TM4SF19: variants seen among roughly 807,000 people sequenced by gnomAD.
The protein encoded by TM4SF19 is transmembrane 4 L six family member 19.
A neutral mutation model predicts 21.8 loss-of-function variants in TM4SF19; 17 were observed. The observed-to-expected ratio is 0.78, with a 90% confidence interval of 0.53 to 1.17. TM4SF19 has a LOEUF of 1.17. Among genes scored for constraint, TM4SF19 ranks in the 50% most tolerant of loss-of-function variants. The probability of loss-of-function intolerance (pLI) is 0.00; values close to 1 mark genes in which losing one functional copy is unlikely to be tolerated. For synonymous variants in TM4SF19, 107 were observed against 106.7 expected (o/e 1.00, Z -0.02); for missense variants, 216 against 252.1 (o/e 0.86, Z 0.97).
Position 196,323,890 on chromosome 3 carries a change from A to G in TM4SF19, c.557T>C (p.Leu186Pro). 1 of 1,614,204 alleles carries G rather than the reference A, an allele frequency of 6.2e-7. No homozygotes were observed. Among genetic ancestry groups the G allele is most frequent in the Non-Finnish European group, 8.5e-7 (1 of 1,180,044 alleles). ...LFSALLCISLLQLLLVVVHVI... is the reference protein window; with the variant it reads ...LFSALLCISLPQLLLVVVHVI... Reference sequence around the variant, plus strand: ...ATGAACGACCACCAGGAGAAGCTGGAGCAGGCTGATGCACAGAAGGGCGGA... The same window carrying G: ...ATGAACGACCACCAGGAGAAGCTGGGGCAGGCTGATGCACAGAAGGGCGGA... The change falls in exon 5 of 5, where the codon CTC (leucine) becomes CCC (proline). Residue 186 changes from leucine (L) to proline (P), a missense_variant. Physicochemically the swap from Leu to Pro is moderately conservative, Grantham distance 98. Coordinates refer to ENST00000273695, the MANE Select transcript of TM4SF19 (RefSeq NM_138461.4).
At chr3:196,328,129 G>T (rs370949107) in intron 1 of TM4SF19, among the ~76,000 whole-genome samples, 1 of 151,954 alleles carries the variant, frequency 6.6e-6, no homozygotes, top group Non-Finnish European at 1.5e-5. Flanking sequence ...GTGAAACCCC[G>T]TCTCTACTAA....
At chr3:196,336,214 C>T (rs1321915931) in intron 1 of TM4SF19, among the ~76,000 whole-genome samples, 1 of 152,104 alleles carries the variant, frequency 6.6e-6, no homozygotes, top group South Asian at 2.1e-4. Flanking sequence ...CCTCAGCTCA[C>T]TGCTACCTCC....
Position 196,323,672 on chromosome 3 carries a change from G to C in TM4SF19, c.*145C>G. 1 of 1,482,626 alleles carries C rather than the reference G, an allele frequency of 6.7e-7. No individual in the cohort carries two copies. Among genetic ancestry groups the C allele is most frequent in the South Asian group, 1.2e-5 (1 of 80,346 alleles). 91.8% of individuals were successfully genotyped at this position (1,482,626 alleles called of 1,614,324 possible). ...TTAAAATGCATTCTATCATTCCACC[G>C]ACCTGCAGTGAATTTTGTTGTCATT... On this transcript the variant is annotated 3_prime_UTR_variant, in exon 5 of 5. Coordinates refer to ENST00000273695, the MANE Select transcript of TM4SF19 (RefSeq NM_138461.4).
chr3:196,332,506 AAT>A (rs564720419), intron 1 of TM4SF19, among the ~76,000 whole-genome samples: 8 of 149,846 alleles, frequency 5.3e-5, no homozygotes, highest in African/African-American at 1.5e-4. Context: ...GAAGAAAAAA[AAT>A]ATATATATAT....
chr3:196,327,428 C>G lies in TM4SF19; in HGVS notation c.163G>C (p.Ala55Pro), dbSNP rs1300252094. 1 of 1,614,196 alleles carries G rather than the reference C, an allele frequency of 6.2e-7. No homozygotes were observed. The highest frequency in any genetic ancestry group is 8.5e-7 in the Non-Finnish European group (1 of 1,180,034). Residue 55 changes from alanine (A) to proline (P), a missense_variant, in exon 2 of 5, where the codon GCC becomes CCC. Coordinates refer to ENST00000273695, the MANE Select transcript of TM4SF19 (RefSeq NM_138461.4). ...CCCCAGAGCCCAGTTCCCAGCATGG[C>G]ATGCCTGCCAAGGAGGCCCCTCAAC... ...YLLRGLLGRH[A>P]MLGTGLWGGG...
chr3:196,329,912 G>C lies in TM4SF19; in HGVS notation c.-1-2321C>G, dbSNP rs1281281683. Among the ~76,000 whole-genome samples, 44 of 89,798 alleles carry C rather than the reference G, an allele frequency of 4.9e-4. 7 individuals are homozygous for C. Among genetic ancestry groups the C allele is most frequent in the Admixed American group, 2.9e-4 (2 of 7,016 alleles). The allele number at this position is 89,798 out of a possible 152,430, so 58.9% of individuals were successfully genotyped here. A position where few individuals can be genotyped will look rare whatever the true frequency, so the allele number is the denominator to read the frequency against. On this transcript the variant is annotated intron_variant, in intron 1 of 4. Coordinates refer to ENST00000273695, the MANE Select transcript of TM4SF19 (RefSeq NM_138461.4). ...TTTGAGACAGAGTCTTGCTCTGTCA[G>C]CCAGGCTGGAGTGCAGTGGCGCAAT... is the stretch of plus-strand genomic sequence containing the variant.
chr3:196,324,709 C>A, intron 3 of TM4SF19: 1 of 436,022 alleles, frequency 2.3e-6, no homozygotes, highest in South Asian at 3.3e-5. Context: ...TCGCAGGCCC[C>A]GGATCTCCCT....
rs1294885716 is a variant in TM4SF19, at chr3:196,329,238, G to A, written c.-1-1647C>T. On this transcript the variant is annotated intron_variant, in intron 1 of 4. Transcript: ENST00000273695. The stretch of plus-strand genomic sequence containing the variant: ...ATTACAGGCATGAGCCACCGCGCCC[G>A]GCCAATAAATGATTTTTTAAGAAGA... Among the ~76,000 whole-genome samples the A allele has an allele frequency of 2.4e-5, 3 of 126,876 alleles. 1 individual carries two copies. Among genetic ancestry groups the A allele is most frequent in the South Asian group, 2.6e-4 (1 of 3,808 alleles). The allele number at this position is 126,876 out of a possible 152,430, so 83.2% of individuals were successfully genotyped here.
intron 1 of TM4SF19, among the ~76,000 whole-genome samples, chr3:196,332,552 G>GCA (rs1339649490): frequency 6.6e-6 from 1 of 151,228 alleles, no homozygotes; most frequent in African/African-American, 2.4e-5. Context: ...CTATATATAT[G>GCA]CACACACACA....
chr3:196,326,723 G>A (rs950667885), intron 3 of TM4SF19, among the ~76,000 whole-genome samples: 3 of 152,086 alleles, frequency 2.0e-5, no homozygotes, highest in Admixed American at 1.3e-4. Context: ...TGGTACAGAC[G>A]TCTGGGCTTC....
At position 196,329,276 on chromosome 3, in the gene TM4SF19, G is replaced by A. The variant is rs567801470; in HGVS notation, c.-1-1685C>T. Among the ~76,000 whole-genome samples the A allele has an allele frequency of 7.1e-5, 9 of 126,500 alleles. 1 individual carries two copies. Among genetic ancestry groups the A allele is most frequent in the African/African-American group, 2.4e-4 (9 of 37,822 alleles). 83.0% of individuals were successfully genotyped at this position (126,500 alleles called of 152,430 possible). A position where few individuals can be genotyped will look rare whatever the true frequency, so the allele number is the denominator to read the frequency against. ...TTTTTTAAGAAGATGACAATTCAGC[G>A]GGAAAAAGTCTCTTCCACAAATGGT... On this transcript the variant is annotated intron_variant, in intron 1 of 4. Transcript: ENST00000273695.
At chr3:196,332,544 A>C (rs1358779393) in intron 1 of TM4SF19, among the ~76,000 whole-genome samples, 5 of 151,734 alleles carry the variant, frequency 3.3e-5, no homozygotes, top group Non-Finnish European at 7.4e-5. Context: ...CAGAGGCTCT[A>C]TATATATGCA....
intron 1 of TM4SF19, among the ~76,000 whole-genome samples, chr3:196,330,752 C>T (rs1229994281): frequency 6.6e-6 from 1 of 152,122 alleles, no homozygotes; most frequent in Non-Finnish European, 1.5e-5. Context: ...GGGGTGGAAG[C>T]ATTCTGTGTC....
At position 196,323,774 on chromosome 3, in the gene TM4SF19, C is replaced by G; in HGVS notation, c.*43G>C. The G allele has an allele frequency of 6.2e-7, 1 of 1,613,996 alleles. No homozygotes were observed. On this transcript the variant is annotated 3_prime_UTR_variant, in exon 5 of 5. Transcript: ENST00000273695. ...CCTTGTAGAAAGGATTCAAGACAGC[C>G]GATGATGAAAACACCCATGCTTGCA...
At chr3:196,332,974 C>T (rs1032041190) in intron 1 of TM4SF19, among the ~76,000 whole-genome samples, 4 of 151,298 alleles carry the variant, frequency 2.6e-5, no homozygotes, top group Admixed American at 1.3e-4. Flanking sequence ...CTCAGTCTCT[C>T]GGATAGCTGA....
At chr3:196,334,349 T>C (rs1445790608) in intron 1 of TM4SF19, among the ~76,000 whole-genome samples, 1 of 152,090 alleles carries the variant, frequency 6.6e-6, no homozygotes, top group African/African-American at 2.4e-5. Flanking sequence ...GTGTTTTCCA[T>C]TTTTCAAGAC....
At chr3:196,330,744 G>T (rs1727475452) in intron 1 of TM4SF19, among the ~76,000 whole-genome samples, 1 of 152,122 alleles carries the variant, frequency 6.6e-6, no homozygotes, top group African/African-American at 2.4e-5. Context: ...TTTCTGAAGG[G>T]GTGGAAGCAT....
chr3:196,330,378 A>T (rs543003464), intron 1 of TM4SF19, among the ~76,000 whole-genome samples: 41 of 152,358 alleles, frequency 2.7e-4, no homozygotes, highest in African/African-American at 8.9e-4. Flanking sequence ...ACTGAATTAT[A>T]CACTTTAAAA....
chr3:196,337,701 T>C (rs1395721112), intron 1 of TM4SF19, among the ~76,000 whole-genome samples: 1 of 151,792 alleles, frequency 6.6e-6, no homozygotes, highest in Non-Finnish European at 1.5e-5. Context: ...AAGTCAAGGG[T>C]CTAACAGCAC....
Sources: allele counts gnomAD v4.1 joint callset (sites outside exome capture counted in the v4.1 genomes callset), GRCh38; gene constraint gnomAD v4.1.1; transcripts MANE v1.5; gene names NCBI Gene and HGNC (gene_info 2026-07-23, HGNC 2026-07-21).